ASTN1: variants seen among roughly 807,000 people sequenced by gnomAD.
ASTN1 encodes astrotactin 1.
In ASTN1, 41 loss-of-function variants were observed where a neutral mutation model predicts 140.7. The observed-to-expected ratio is 0.29, with a 90% CI of 0.23 to 0.38. The LOEUF (loss-of-function observed/expected upper bound fraction) is 0.38. Ranked by LOEUF, ASTN1 falls within the 10% of genes least tolerant of loss-of-function variation. The probability of loss-of-function intolerance (pLI) is 1.00; values close to 1 mark genes in which losing one functional copy is unlikely to be tolerated. For missense variants in ASTN1, 1,479 were observed against 1,678.8 expected (o/e 0.88, Z 2.08); for synonymous variants, 640 against 652.2 (o/e 0.98, Z 0.29).
At chr1:177,069,862 G>GA (rs1311230281) in intron 1 of ASTN1, among the ~76,000 whole-genome samples, 126 of 131,494 alleles carry the variant, frequency 9.6e-4, no homozygotes, top group East Asian at 3.5e-3. Flanking sequence ...AAAGGATAAA[G>GA]AAAAAAAAAA....
At chr1:177,004,711 A>G (rs971887721) in intron 8 of ASTN1, among the ~76,000 whole-genome samples, 2 of 152,176 alleles carry the variant, frequency 1.3e-5, no homozygotes, top group African/African-American at 4.8e-5. Flanking sequence ...AAACACACAA[A>G]AACAAAAACC....
At chr1:177,030,398 C>T (rs1045286498) in intron 4 of ASTN1, among the ~76,000 whole-genome samples, 1 of 152,096 alleles carries the variant, frequency 6.6e-6, no homozygotes, top group Admixed American at 6.6e-5. Context: ...GGCAACTTTC[C>T]ATATTAACAA....
At chr1:176,962,442 G>T (rs1672705753) in intron 9 of ASTN1, among the ~76,000 whole-genome samples, 1 of 152,234 alleles carries the variant, frequency 6.6e-6, no homozygotes, top group African/African-American at 2.4e-5. Context: ...TCTATTGAAG[G>T]CCTGCTGTGT....
At chr1:176,869,398 C>A (rs537184575) in intron 21 of ASTN1, among the ~76,000 whole-genome samples, 2 of 152,232 alleles carry the variant, frequency 1.3e-5, no homozygotes, top group African/African-American at 4.8e-5. Flanking sequence ...TCTCTAAGGT[C>A]TGTTTCAGTT....
At chr1:177,125,382 T>G (rs899104232) in intron 1 of ASTN1, among the ~76,000 whole-genome samples, 2 of 152,230 alleles carry the variant, frequency 1.3e-5, no homozygotes, top group African/African-American at 4.8e-5. Context: ...GTGGATTGAT[T>G]GCCCATTTAA....
chr1:177,061,255 C>T lies in ASTN1; in HGVS notation c.294G>A (p.Gly98=), dbSNP rs760195611. 1 of 1,542,028 alleles carries T rather than the reference C, an allele frequency of 6.5e-7. No individual in the cohort carries two copies. Among genetic ancestry groups the T allele is most frequent in the East Asian group, 2.4e-5 (1 of 41,884 alleles). The part of the protein sequence containing the change: ...ELPYFVLEIS[G]NTEDIPLVRW... ...GCACCAAAGGGATATCCTCTGTGTT[C>T]CCTGAGATCTCTAGAAGATGAACAC... The change falls in exon 2 of 23, where the codon GGG becomes GGA. Residue 98 remains glycine, a synonymous_variant. Coordinates refer to ENST00000361833, the MANE Select transcript of ASTN1 (RefSeq NM_004319.3).
At chr1:177,124,587 G>A (rs114607003) in intron 1 of ASTN1, among the ~76,000 whole-genome samples, 1,623 of 152,220 alleles carry the variant, frequency 0.011, 29 homozygotes, top group African/African-American at 0.037. Flanking sequence ...GATGTATATC[G>A]CCTGAAGCAT....
intron 7 of ASTN1, among the ~76,000 whole-genome samples, chr1:177,018,257 G>C (rs1053291786): frequency 6.6e-6 from 1 of 152,216 alleles, no homozygotes; most frequent in Non-Finnish European, 1.5e-5. Flanking sequence ...TTACAGAACG[G>C]AGTGTAGCAT....
chr1:176,894,713 C>G lies in ASTN1; in HGVS notation c.2789G>C (p.Arg930Pro). 1 of 1,614,076 alleles carries G rather than the reference C, an allele frequency of 6.2e-7. No individual in the cohort carries two copies. The highest frequency in any genetic ancestry group is 8.5e-7 in the Non-Finnish European group (1 of 1,180,010). The change falls in exon 17 of 23, where the codon CGC becomes CCC. Residue 930 changes from arginine (R) to proline (P), a missense_variant. By Grantham distance (103) the Arg-to-Pro change is moderately radical. Coordinates refer to ENST00000361833, the MANE Select transcript of ASTN1 (RefSeq NM_004319.3). ...SGTKHMAAGV[R>P]MECHSKGRCP... ...TCGTCCCTTGCTGTGGCACTCCATGCGGACTCCAGCCGCCATGTGCTTGGT... is the reference window on the plus strand; with the variant it reads ...TCGTCCCTTGCTGTGGCACTCCATGGGGACTCCAGCCGCCATGTGCTTGGT...
chr1:176,961,661 T>C (rs901329068), intron 9 of ASTN1, among the ~76,000 whole-genome samples: 17 of 152,240 alleles, frequency 1.1e-4, no homozygotes, highest in Non-Finnish European at 1.8e-4. Flanking sequence ...CTCAGGCCTA[T>C]GGAATTCTAA....
At chr1:177,018,816 C>T (rs1275168162) in intron 7 of ASTN1, among the ~76,000 whole-genome samples, 2 of 152,088 alleles carry the variant, frequency 1.3e-5, no homozygotes, top group Non-Finnish European at 2.9e-5. Context: ...ACAACCATAA[C>T]AAAAAAACCC....
intron 3 of ASTN1, among the ~76,000 whole-genome samples, chr1:177,031,390 C>T (rs1430323991): frequency 2.0e-5 from 3 of 152,174 alleles, no homozygotes; most frequent in African/African-American, 7.2e-5. Context: ...CTCTTCTCTG[C>T]TTCAAATATC....
chr1:177,088,073 C>T (rs1253762135), intron 1 of ASTN1, among the ~76,000 whole-genome samples: 1 of 152,186 alleles, frequency 6.6e-6, no homozygotes, highest in African/African-American at 2.4e-5. Context: ...ACCTTCAACT[C>T]CGGTGATAGT....
downstream of ASTN1, among the ~76,000 whole-genome samples, chr1:176,859,596 C>G (rs773080486): frequency 1.3e-5 from 2 of 152,144 alleles, no homozygotes; most frequent in Non-Finnish European, 2.9e-5. Context: ...ACCAGCCTAA[C>G]AGGGCGGAAC....
intron 1 of ASTN1, among the ~76,000 whole-genome samples, chr1:177,100,548 C>T (rs958473874): frequency 5.3e-5 from 8 of 151,968 alleles, no homozygotes; most frequent in Admixed American, 2.6e-4. Context: ...GATTTGACAT[C>T]GAGAGAAAGG....
At chr1:176,986,544 G>A (rs368356397) in intron 8 of ASTN1, among the ~76,000 whole-genome samples, 1 of 152,046 alleles carries the variant, frequency 6.6e-6, no homozygotes, top group African/African-American at 2.4e-5. Context: ...AACTCAAAAT[G>A]TCTATTTTTT....
chr1:177,030,705 T>C (rs939396259), intron 4 of ASTN1, 101 bp downstream of exon 4: 21 of 1,499,386 alleles, frequency 1.4e-5, no homozygotes, highest in Middle Eastern at 1.8e-4. Flanking sequence ...GGGCATACCC[T>C]CTCCAGCCAC....
chr1:177,006,014 T>C (rs894799147), intron 8 of ASTN1, among the ~76,000 whole-genome samples: 1 of 152,220 alleles, frequency 6.6e-6, no homozygotes, highest in Non-Finnish European at 1.5e-5. Flanking sequence ...GGATGCTAGA[T>C]GGTGTTCCTA....
At chr1:176,871,367 C>T (rs1045064394) in intron 21 of ASTN1, among the ~76,000 whole-genome samples, 2 of 152,108 alleles carry the variant, frequency 1.3e-5, no homozygotes, top group Admixed American at 1.3e-4. Flanking sequence ...ACTTCCTCTC[C>T]CACCCCTGCA....
Sources: allele counts gnomAD v4.1 joint callset (sites outside exome capture counted in the v4.1 genomes callset), GRCh38; gene constraint gnomAD v4.1.1; transcripts MANE v1.5; gene names NCBI Gene and HGNC (gene_info 2026-07-23, HGNC 2026-07-21).